CASC3: variants seen among roughly 807,000 people sequenced by gnomAD.
The protein encoded by CASC3 is CASC3 exon junction complex subunit.
A neutral mutation model predicts 80.5 loss-of-function variants in CASC3; 30 were observed. The ratio of observed to expected loss-of-function variants is 0.37; its 90% confidence interval spans 0.28 to 0.51. The LOEUF is 0.51. CASC3 is among the 20% of genes least tolerant of loss of function. The pLI, the probability that CASC3 is intolerant of heterozygous loss-of-function variation, is 0.94. For missense variants in CASC3, 824 were observed against 922.2 expected, an observed-to-expected ratio of 0.89 and a Z score of 1.38; for synonymous variants, 312 against 333.6, an observed-to-expected ratio of 0.94 and a Z score of 0.70.
chr17:40,169,665 A>C lies in CASC3; in HGVS notation c.*41+3A>C, dbSNP rs1222764543. 1.3e-6 allele frequency: 2 copies of C among 1,491,100 alleles called. No homozygotes were observed. The highest frequency in any genetic ancestry group is 1.8e-6 in the Non-Finnish European group (2 of 1,094,644). The allele number at this position is 1,491,100 out of a possible 1,614,324, so 92.4% of individuals were successfully genotyped here. A position where few individuals can be genotyped will look rare whatever the true frequency, so the allele number is the denominator to read the frequency against. On this transcript the variant is annotated splice_donor_region_variant and intron_variant, in intron 13 of 13. Coordinates refer to ENST00000264645, the MANE Select transcript of CASC3 (RefSeq NM_007359.5). Reference sequence around the variant, plus strand: ...TTAAATCTTAACATCATATAAAAGTAAGTGCACAACTTACTGTGAATATTG... The same window carrying C: ...TTAAATCTTAACATCATATAAAAGTCAGTGCACAACTTACTGTGAATATTG...
chr17:40,153,572 C>T (rs1367456892), intron 3 of CASC3, among the ~76,000 whole-genome samples: 2 of 152,070 alleles, frequency 1.3e-5, no homozygotes, highest in African/African-American at 2.4e-5. Flanking sequence ...GAACTAGAAC[C>T]GCCATACTGT....
intron 7 of CASC3, 140 bp downstream of exon 7, chr17:40,164,306 C>T (rs1989389304): frequency 3.8e-6 from 3 of 798,130 alleles, no homozygotes; most frequent in Non-Finnish European, 1.9e-6. Context: ...CTCTTTTGCC[C>T]AGGCTGGAGT....
intron 3 of CASC3, among the ~76,000 whole-genome samples, chr17:40,154,991 GCC>G (rs1226138326): frequency 2.0e-5 from 3 of 151,952 alleles, no homozygotes; most frequent in African/African-American, 7.3e-5. Context: ...CCGGGTTCAT[GCC>G]ATTCTCCTGC....
chr17:40,148,731 C>T (rs1231598345), intron 3 of CASC3, among the ~76,000 whole-genome samples: 1 of 152,108 alleles, frequency 6.6e-6, no homozygotes, highest in African/African-American at 2.4e-5. Flanking sequence ...TTGATTATTT[C>T]AGTGTTCTCC....
intron 2 of CASC3, 154 bp downstream of exon 2, chr17:40,141,388 C>T (rs1045606833): frequency 1.3e-5 from 11 of 852,696 alleles, no homozygotes; most frequent in East Asian, 7.3e-5. Flanking sequence ...TAGGCTTTAG[C>T]AGTATAGTCT....
At chr17:40,164,223 G>C in intron 7 of CASC3, 57 bp downstream of exon 7, 1 of 1,331,328 alleles carries the variant, frequency 7.5e-7, no homozygotes, top group Admixed American at 2.5e-5. Flanking sequence ...CAGGTTTAGG[G>C]GCATGGGACT....
chr17:40,165,711 A>G (rs1487698977), intron 7 of CASC3, among the ~76,000 whole-genome samples: 1 of 148,892 alleles, frequency 6.7e-6, no homozygotes, highest in Non-Finnish European at 1.5e-5. Flanking sequence ...TAATGATTGT[A>G]CTTTTGTGTT....
intron 3 of CASC3, among the ~76,000 whole-genome samples, chr17:40,161,465 A>C (rs956708257): frequency 6.6e-6 from 1 of 152,106 alleles, no homozygotes; most frequent in Non-Finnish European, 1.5e-5. Context: ...CAGATCACGA[A>C]ATCAGGAGTT....
chr17:40,144,840 C>G (rs551044060), intron 3 of CASC3, among the ~76,000 whole-genome samples: 74 of 140,284 alleles, frequency 5.3e-4, no homozygotes, highest in African/African-American at 1.8e-3. Flanking sequence ...CCATACCCAG[C>G]CAAAAAAAAA....
In CASC3 at chr17:40,162,144, A is replaced by C; in HGVS notation, c.599A>C (p.Glu200Ala). ...EHDLRGQTQE[E>A]EVRPKGRQRK... ...GATCTTCGAGGGCAAACTCAGGAGG[A>C]GGAAGTCAGGTAAAAGCCACTTGCT... is the stretch of plus-strand genomic sequence containing the variant. Residue 200 changes from glutamate to alanine, a missense_variant, in exon 5 of 14, where the codon GAG becomes GCG. Physicochemically the swap from Glu to Ala is moderately radical, Grantham distance 107. Coordinates refer to ENST00000264645, the MANE Select transcript of CASC3 (RefSeq NM_007359.5). The C allele has an allele frequency of 6.2e-7, 1 of 1,612,838 alleles. No individual in the cohort carries two copies. Among genetic ancestry groups the C allele is most frequent in the Non-Finnish European group, 8.5e-7 (1 of 1,179,514 alleles).
intron 1 of CASC3, chr17:40,141,000 T>C (rs1213007264): frequency 1.6e-6 from 1 of 632,270 alleles, no homozygotes; most frequent in African/African-American, 1.9e-5. Flanking sequence ...CCGCTGGAGA[T>C]GGAAAGCGGA....
chr17:40,150,415 CGTGTGTGTGTGTGTGTGT>C (rs10545573), intron 3 of CASC3, among the ~76,000 whole-genome samples: 3 of 148,940 alleles, frequency 2.0e-5, no homozygotes, highest in Non-Finnish European at 3.0e-5. Flanking sequence ...AGAGTGTGTG[CGTGTGTGTGTGTGTGTGT>C]GTGTGTGTGT....
chr17:40,159,711 ATTT>A (rs71152647), intron 3 of CASC3, among the ~76,000 whole-genome samples: 3 of 93,162 alleles, frequency 3.2e-5, no homozygotes. Context: ...TTCCTGGCGA[ATTT>A]TTTTTTTTTT....
At chr17:40,170,320 T>C in intron 13 of CASC3, 127 bp from the exon 14 acceptor site, 13 of 524,414 alleles carry the variant, frequency 2.5e-5, no homozygotes, top group Non-Finnish European at 3.2e-5. Flanking sequence ...GGGGTTTTGT[T>C]GCTTTTGTTT....
rs56186811 is a variant in CASC3, at chr17:40,169,742, CTTTTTTTTTTTTTTTTTTT to C, written c.*41+93_*41+111del. 6.9e-4 allele frequency: 67 copies of C among 96,518 alleles called. 3 individuals carry two copies. Among genetic ancestry groups the C allele is most frequent in the Admixed American group, 1.6e-3 (6 of 3,686 alleles). 6.0% of individuals were successfully genotyped at this position (96,518 alleles called of 1,614,324 possible). On this transcript the variant is annotated intron_variant, in intron 13 of 13. Coordinates refer to ENST00000264645, the MANE Select transcript of CASC3 (RefSeq NM_007359.5). The stretch of plus-strand genomic sequence containing the variant: ...ATAAACAAAAATCACTTAATTAATG[CTTTTTTTTTTTTTTTTTTT>C]TTTTTTTTTTTTGAGACGGCGTCTC...
At chr17:40,158,298 T>C (rs1989202251) in intron 3 of CASC3, among the ~76,000 whole-genome samples, 1 of 152,210 alleles carries the variant, frequency 6.6e-6, no homozygotes, top group African/African-American at 2.4e-5. Flanking sequence ...GGGGCCAGCC[T>C]GGGTCTTGAG....
chr17:40,141,331 G>A (rs1425597334), intron 2 of CASC3, 97 bp downstream of exon 2: 3 of 1,200,278 alleles, frequency 2.5e-6, no homozygotes, highest in Non-Finnish European at 3.7e-6. Flanking sequence ...CACTGTCACG[G>A]ATTTAGGGCC....
chr17:40,172,070 A>AT lies in CASC3; in HGVS notation c.*1670dup. The AT allele has an allele frequency of 7.8e-7, 1 of 1,289,758 alleles. No homozygotes were observed. Among genetic ancestry groups the AT allele is most frequent in the Non-Finnish European group, 1.0e-6 (1 of 988,842 alleles). The allele number at this position is 1,289,758 out of a possible 1,614,324, so 79.9% of individuals were successfully genotyped here. A position where few individuals can be genotyped will look rare whatever the true frequency, so the allele number is the denominator to read the frequency against. On this transcript the variant is annotated 3_prime_UTR_variant, in exon 14 of 14. Transcript: ENST00000264645. Reference sequence around the variant, plus strand: ...TGGTCCACTGTGTTTAGTTGCAAGGATTTTTCCATGTGTGGTGGTGTTTTT... The same window carrying AT: ...TGGTCCACTGTGTTTAGTTGCAAGGATTTTTTCCATGTGTGGTGGTGTTTTT...
chr17:40,163,809 G>C lies in CASC3; in HGVS notation c.1114G>C (p.Gly372Arg). The C allele has an allele frequency of 6.2e-7, 1 of 1,614,196 alleles. No individual in the cohort carries two copies. The highest frequency in any genetic ancestry group is 8.5e-7 in the Non-Finnish European group (1 of 1,180,046). Reference sequence around the variant, plus strand: ...TCCAGAAGCAGATGCTCCAGTGCTTGGCAGTCCTGAGAAGGAAGAGGCAGC... The same window carrying C: ...TCCAGAAGCAGATGCTCCAGTGCTTCGCAGTCCTGAGAAGGAAGAGGCAGC... The part of the protein sequence containing the change: ...PSPEADAPVL[G>R]SPEKEEAASE... Residue 372 changes from glycine to arginine, a missense_variant, in exon 7 of 14, where the codon GGC (glycine) becomes CGC (arginine). Physicochemically the swap from Gly to Arg is moderately radical, Grantham distance 125. Around this residue, in one of 3 missense-constraint regions of CASC3, gnomAD observed 464 missense variants for 506.0 expected, o/e 0.92. Transcript: ENST00000264645.
Sources: gnomAD v4.1 joint callset for allele counts (sites outside exome capture counted in the v4.1 genomes callset) on GRCh38, gnomAD v4.1.1 for gene constraint, gnomAD v4.1.1 regional missense constraint, MANE v1.5 for transcripts, NCBI Gene and HGNC (gene_info 2026-07-23, HGNC 2026-07-21) for gene names.